Variants in ZNF722 observed in about 807,000 individuals in gnomAD.
The protein encoded by ZNF722 is zinc finger protein 722.
At chr7:64,004,429 T>A in the ZNF722 span, among the ~76,000 whole-genome samples, 14,557 of 74,660 alleles carry the variant, frequency 0.19, 1,091 homozygotes, top group Non-Finnish European at 0.24. Flanking sequence ...AAAAAAAATA[T>A]ATATATATAT....
At chr7:63,998,934 C>T in the ZNF722 span, 1 of 1,573,970 alleles carries the variant, frequency 6.4e-7, no homozygotes, top group African/African-American at 1.3e-5. Flanking sequence ...CCTCTGTGGC[C>T]TTGTGTCCTG....
the ZNF722 span, chr7:64,015,518 G>A: frequency 1.2e-6 from 2 of 1,611,712 alleles, no homozygotes; most frequent in Non-Finnish European, 1.7e-6. Flanking sequence ...AAGCCTTTAG[G>A]TGGCCCTCAA....
At chr7:64,003,964 G>A in the ZNF722 span, among the ~76,000 whole-genome samples, 111,675 of 152,006 alleles carry the variant, frequency 0.73, 41,327 homozygotes, top group Admixed American at 0.78. Context: ...GGCGTGTATT[G>A]CCCAGAAAGT....
chr7:64,014,937 T>C, the ZNF722 span: 1 of 982,572 alleles, frequency 1.0e-6, no homozygotes, highest in African/African-American at 1.6e-5. Context: ...ATTTTGCTAG[T>C]GTGCCTTGTA....
the ZNF722 span, among the ~76,000 whole-genome samples, chr7:64,014,250 T>C: frequency 6.6e-6 from 1 of 152,078 alleles, no homozygotes; most frequent in Non-Finnish European, 1.5e-5. Flanking sequence ...GTTGACATTC[T>C]CATTTATCTG....
the ZNF722 span, among the ~76,000 whole-genome samples, chr7:64,005,991 TCC>T: frequency 6.6e-6 from 1 of 152,198 alleles, no homozygotes; most frequent in Non-Finnish European, 1.5e-5. Context: ...AAATAGCGTT[TCC>T]CACGCCTTAG....
the ZNF722 span, among the ~76,000 whole-genome samples, chr7:64,014,304 T>C: frequency 6.6e-6 from 1 of 152,116 alleles, no homozygotes; most frequent in Non-Finnish European, 1.5e-5. Context: ...ATACGGATTA[T>C]CTTAAATTTT....
the ZNF722 span, among the ~76,000 whole-genome samples, chr7:64,007,432 C>T: frequency 3.3e-5 from 5 of 152,070 alleles, no homozygotes; most frequent in South Asian, 2.1e-4. Context: ...TGATGTTCCC[C>T]GCCCTGTGTC....
At chr7:63,998,959 T>C in the ZNF722 span, 1 of 1,577,592 alleles carries the variant, frequency 6.3e-7, no homozygotes, top group Non-Finnish European at 8.7e-7. Flanking sequence ...TATTCGCAGA[T>C]TTATGGCTGA....
chr7:64,006,150 A>G, the ZNF722 span: 2 of 799,468 alleles, frequency 2.5e-6, no homozygotes, highest in Non-Finnish European at 3.7e-6. Context: ...AATCCTCTTT[A>G]CTAACCATAA....
At chr7:64,007,664 C>T in the ZNF722 span, among the ~76,000 whole-genome samples, 2 of 152,122 alleles carry the variant, frequency 1.3e-5, no homozygotes, top group African/African-American at 4.8e-5. Context: ...GGGTTGGTTC[C>T]AAGTCTTTAC....
chr7:64,002,201 G>A, the ZNF722 span, among the ~76,000 whole-genome samples: 95 of 152,112 alleles, frequency 6.2e-4, no homozygotes, highest in South Asian at 1.5e-3. Context: ...TTTATGTCTC[G>A]ACGTTCTTCA....
the ZNF722 span, chr7:64,015,955 A>G: frequency 3.3e-6 from 4 of 1,211,818 alleles, no homozygotes; most frequent in South Asian, 4.1e-5. Flanking sequence ...CTTATAATAC[A>G]TACAATAATT....
chr7:64,016,901 G>A, the ZNF722 span, among the ~76,000 whole-genome samples: 136 of 152,212 alleles, frequency 8.9e-4, 1 homozygote, highest in African/African-American at 3.1e-3. Context: ...CGTTATGGTA[G>A]GTAAGATAAT....
the ZNF722 span, among the ~76,000 whole-genome samples, chr7:64,014,758 G>A: frequency 6.6e-6 from 1 of 152,100 alleles, no homozygotes; most frequent in East Asian, 1.9e-4. Context: ...GGGCTGTGTT[G>A]GGCAAATGTA....
the ZNF722 span, chr7:64,005,585 T>G: frequency 1.1e-6 from 1 of 934,928 alleles, no homozygotes; most frequent in Non-Finnish European, 1.7e-6. Flanking sequence ...CATGAGTGTT[T>G]TTTGTTTTTG....
the ZNF722 span, among the ~76,000 whole-genome samples, chr7:63,999,216 T>G: frequency 6.6e-6 from 1 of 152,184 alleles, no homozygotes; most frequent in Non-Finnish European, 1.5e-5. Flanking sequence ...TCCTCTGCAG[T>G]GGCTTTGCCC....
Sources: allele counts gnomAD v4.1 joint callset (sites outside exome capture counted in the v4.1 genomes callset), GRCh38; gene constraint gnomAD v4.1.1; transcripts MANE v1.5; gene names NCBI Gene and HGNC (gene_info 2026-07-23, HGNC 2026-07-21).